Variants in CDH18 observed in about 807,000 individuals in gnomAD.
The protein encoded by CDH18 is cadherin 18.
A neutral mutation model predicts 67.9 loss-of-function variants in CDH18; 31 were observed. That is an observed-to-expected ratio of 0.46 (90% CI 0.34 to 0.62). The LOEUF is 0.62. CDH18 is among the 20% of genes least tolerant of loss of function. The pLI, the probability that CDH18 is intolerant of heterozygous loss-of-function variation, is 0.01. For missense variants in CDH18, 890 were observed against 975.5 expected (o/e 0.91, Z 1.17); for synonymous variants, 362 against 347.2 (o/e 1.04, Z -0.48).
chr5:19,952,371 G>T (rs1795881844), intron 2 of CDH18, among the ~76,000 whole-genome samples: 1 of 152,028 alleles, frequency 6.6e-6, no homozygotes, highest in Admixed American at 6.6e-5. Flanking sequence ...ATTTCAAATT[G>T]CAACAGAGGC....
chr5:19,629,831 T>C (rs1450095789), intron 5 of CDH18, among the ~76,000 whole-genome samples: 1 of 152,200 alleles, frequency 6.6e-6, no homozygotes, highest in Non-Finnish European at 1.5e-5. Context: ...AGGGATCATT[T>C]ACATATAATT....
chr5:19,598,131 C>A (rs762470739), intron 6 of CDH18, among the ~76,000 whole-genome samples: 14 of 152,260 alleles, frequency 9.2e-5, no homozygotes, highest in Non-Finnish European at 1.9e-4. Flanking sequence ...AGAACACAGA[C>A]CTTCCCTGGT....
chr5:19,866,844 C>T (rs981048214), intron 2 of CDH18, among the ~76,000 whole-genome samples: 4 of 152,160 alleles, frequency 2.6e-5, no homozygotes, highest in African/African-American at 9.7e-5. Flanking sequence ...GTAATCCCAG[C>T]ACTTTGGGAG....
chr5:19,571,242 T>C (rs1741328505), intron 8 of CDH18, among the ~76,000 whole-genome samples: 1 of 152,214 alleles, frequency 6.6e-6, no homozygotes, highest in South Asian at 2.1e-4. Flanking sequence ...ACTATATCTA[T>C]ACTTCCTATC....
At chr5:19,778,457 C>A (rs1238872862) in intron 3 of CDH18, among the ~76,000 whole-genome samples, 1 of 152,092 alleles carries the variant, frequency 6.6e-6, no homozygotes, top group Admixed American at 6.6e-5. Flanking sequence ...ATTCAATCTA[C>A]AAAAATACTA....
chr5:20,026,069 A>T (rs1738869025), intron 2 of CDH18, among the ~76,000 whole-genome samples: 1 of 152,206 alleles, frequency 6.6e-6, no homozygotes, highest in African/African-American at 2.4e-5. Context: ...CGCTTGTCAC[A>T]AATTAGAGCT....
intron 5 of CDH18, among the ~76,000 whole-genome samples, chr5:19,703,457 C>A (rs1253258703): frequency 3.3e-5 from 5 of 152,110 alleles, no homozygotes; most frequent in East Asian, 1.9e-4. Flanking sequence ...GGTTTGTTTG[C>A]CAGCTAAAGC....
intron 1 of CDH18, among the ~76,000 whole-genome samples, chr5:20,276,759 C>T (rs1745842529): frequency 6.6e-6 from 1 of 152,186 alleles, no homozygotes; most frequent in African/African-American, 2.4e-5. Flanking sequence ...CATTTCTGCA[C>T]TGGCACTAGG....
intron 3 of CDH18, among the ~76,000 whole-genome samples, chr5:19,771,503 T>G (rs1773728034): frequency 6.6e-6 from 1 of 152,166 alleles, no homozygotes; most frequent in Non-Finnish European, 1.5e-5. Flanking sequence ...GAAGGAGATT[T>G]TCCACAAAAT....
chr5:20,282,136 A>G (rs994521358), intron 1 of CDH18, among the ~76,000 whole-genome samples: 2 of 152,114 alleles, frequency 1.3e-5, no homozygotes, highest in African/African-American at 4.8e-5. Context: ...GGTTTTCTAG[A>G]TATACAATCA....
rs992419727 is a variant in CDH18, at chr5:20,009,757, G to A, written c.-517-17743C>T. Among the ~76,000 whole-genome samples the A allele has an allele frequency of 8.5e-5, 13 of 152,230 alleles. No homozygotes were observed. In the East Asian group the frequency reaches 2.3e-3, roughly 27 times the overall value. On this transcript the variant is annotated intron_variant, in intron 2 of 14. Transcript: ENST00000507958. ...AACTCAATTCATCTTTCCTCAAAAT[G>A]TGGTAATATTTGTCCAAGAAAACCC...
At chr5:20,437,707 C>G (rs962636216) in intron 1 of CDH18, among the ~76,000 whole-genome samples, 8 of 150,974 alleles carry the variant, frequency 5.3e-5, no homozygotes, top group African/African-American at 2.0e-4. Context: ...TTTTAAGTAC[C>G]CAAAATAACT....
intron 10 of CDH18, among the ~76,000 whole-genome samples, chr5:19,505,499 C>T (rs542804100): frequency 1.3e-5 from 2 of 152,206 alleles, no homozygotes; most frequent in African/African-American, 4.8e-5. Flanking sequence ...CCCATCAATA[C>T]CTAATTTATT....
intron 1 of CDH18, among the ~76,000 whole-genome samples, chr5:20,302,277 CT>C (rs1406418433): frequency 6.6e-6 from 1 of 152,098 alleles, no homozygotes; most frequent in Non-Finnish European, 1.5e-5. Context: ...AGTTCTTCAT[CT>C]TTTTAAAAGT....
At chr5:20,251,626 A>G (rs1274957775) in intron 2 of CDH18, among the ~76,000 whole-genome samples, 2 of 152,206 alleles carry the variant, frequency 1.3e-5, no homozygotes, top group Non-Finnish European at 2.9e-5. Flanking sequence ...GGAGCATTGA[A>G]GAAACATGCA....
intron 8 of CDH18, among the ~76,000 whole-genome samples, chr5:19,546,622 A>C (rs1382390192): frequency 6.6e-6 from 1 of 152,180 alleles, no homozygotes; most frequent in Admixed American, 6.5e-5. Context: ...ACAGAGTGTA[A>C]GTGGAATTGC....
intron 2 of CDH18, among the ~76,000 whole-genome samples, chr5:19,995,687 C>T (rs1735951100): frequency 6.6e-6 from 1 of 151,224 alleles, no homozygotes; most frequent in South Asian, 2.1e-4. Flanking sequence ...TAATGGCTAG[C>T]TAAATCCCAG....
intron 2 of CDH18, among the ~76,000 whole-genome samples, chr5:19,994,853 T>TAGAGAGAG (rs776078908): frequency 0.02 from 1,044 of 53,196 alleles, 147 homozygotes; most frequent in African/African-American, 0.035. Context: ...TATATATATA[T>TAGAGAGAG]ATAGAGAGAG....
At chr5:20,448,437 C>T (rs775278025) in intron 1 of CDH18, among the ~76,000 whole-genome samples, 6 of 151,948 alleles carry the variant, frequency 3.9e-5, no homozygotes, top group Non-Finnish European at 5.9e-5. Context: ...CTTGAATAAA[C>T]TTTATTTTTT....
Sources: gnomAD v4.1 joint callset for allele counts (sites outside exome capture counted in the v4.1 genomes callset) on GRCh38, gnomAD v4.1.1 for gene constraint, MANE v1.5 for transcripts, NCBI Gene and HGNC (gene_info 2026-07-23, HGNC 2026-07-21) for gene names.